The following GALNT13 variants were observed in gnomAD, a reference collection of about 807,000 sequenced individuals.
The protein encoded by GALNT13 is polypeptide N-acetylgalactosaminyltransferase 13, also known as UDP-GalNAc:polypeptide N-acetylgalactosaminyltransferase 13.
GALNT13 carries 28 observed loss-of-function variants against 64.2 expected under a neutral mutation model. That is an observed-to-expected ratio of 0.44 (90% CI 0.32 to 0.60). GALNT13 has a LOEUF of 0.60. Ranked by LOEUF, GALNT13 falls within the 20% of genes least tolerant of loss-of-function variation. The pLI is 0.05. For missense variants in GALNT13, 577 were observed against 669.8 expected (o/e 0.86, Z 1.53); for synonymous variants, 214 against 224.6 (o/e 0.95, Z 0.42).
chr2:154,037,652 A>G (rs1698738208), intron 3 of GALNT13, among the ~76,000 whole-genome samples: 1 of 152,216 alleles, frequency 6.6e-6, no homozygotes, highest in South Asian at 2.1e-4. Flanking sequence ...AAATGAATTC[A>G]GTAAAGTTGT....
the GALNT13 span, among the ~76,000 whole-genome samples, chr2:153,774,775 T>C: frequency 6.6e-6 from 1 of 152,092 alleles, no homozygotes; most frequent in Non-Finnish European, 1.5e-5. Flanking sequence ...ACAGGCATGG[T>C]GGCATGCACC....
Position 154,066,329 on chromosome 2 carries a change from G to A in GALNT13, c.143-74008G>A, listed in dbSNP as rs1322284002. 4.6e-5 allele frequency among the ~76,000 whole-genome samples: 7 copies of A among 152,092 alleles called. 1 individual carries two copies. Among genetic ancestry groups the A allele is most frequent in the African/African-American group, 9.6e-5 (4 of 41,502 alleles). On this transcript the variant is annotated intron_variant, in intron 3 of 12. Coordinates refer to ENST00000392825, the MANE Select transcript of GALNT13 (RefSeq NM_052917.4). The stretch of plus-strand genomic sequence containing the variant: ...AAAGAGTTTTTAAAAGCATAATAAC[G>A]GAGAACTTCCAAAACATGGAAAAAG...
the GALNT13 span, among the ~76,000 whole-genome samples, chr2:153,437,609 C>T: frequency 6.6e-5 from 10 of 152,028 alleles, no homozygotes; most frequent in African/African-American, 1.4e-4. Context: ...TTGATCTTTG[C>T]TGGTTTAAAG....
chr2:154,101,236 G>A (rs1338682660), intron 3 of GALNT13, among the ~76,000 whole-genome samples: 1 of 151,952 alleles, frequency 6.6e-6, no homozygotes, highest in East Asian at 1.9e-4. Context: ...AGTTAGGAAG[G>A]AATGTTTCCT....
intron 9 of GALNT13, among the ~76,000 whole-genome samples, chr2:154,327,139 T>TGA (rs147162494): frequency 0.025 from 3,876 of 152,074 alleles, 147 homozygotes; most frequent in African/African-American, 0.078. Context: ...TAATAGTGAG[T>TGA]GAGATCTCAC....
At chr2:154,309,229 G>C (rs950094094) in intron 9 of GALNT13, among the ~76,000 whole-genome samples, 3 of 152,088 alleles carry the variant, frequency 2.0e-5, no homozygotes, top group African/African-American at 7.2e-5. Flanking sequence ...CATTTTCCTA[G>C]ATTCCTCCTT....
intron 3 of GALNT13, among the ~76,000 whole-genome samples, chr2:153,977,967 T>G (rs1298761255): frequency 6.6e-6 from 1 of 152,168 alleles, no homozygotes; most frequent in Non-Finnish European, 1.5e-5. Flanking sequence ...GTGCCTTCAA[T>G]TACAGCTGTT....
rs550890069 is a variant in GALNT13, at chr2:153,981,447, A to G, written c.142+36808A>G. Among the ~76,000 whole-genome samples, 4 of 152,034 alleles carry G rather than the reference A, an allele frequency of 2.6e-5. No individual in the cohort carries two copies. The South Asian group carries it at 8.3e-4, about 32-fold the overall frequency. On this transcript the variant is annotated intron_variant, in intron 3 of 12. Coordinates refer to ENST00000392825, the MANE Select transcript of GALNT13 (RefSeq NM_052917.4). ...TGTTCTCATTGTTCAATTCCCACCT[A>G]TGAGTGAGAACATGCGGTGTTTGGT...
chr2:153,335,308 T>C, the GALNT13 span, among the ~76,000 whole-genome samples: 1 of 152,096 alleles, frequency 6.6e-6, no homozygotes, highest in African/African-American at 2.4e-5. Context: ...CAGGCAGAGA[T>C]TGGAACAGTT....
At chr2:153,542,345 A>AAC in the GALNT13 span, among the ~76,000 whole-genome samples, 102 of 95,042 alleles carry the variant, frequency 1.1e-3, 1 homozygote, top group East Asian at 1.4e-3. Flanking sequence ...CAAACAAACA[A>AAC]ACACACACAC....
the GALNT13 span, among the ~76,000 whole-genome samples, chr2:153,271,144 C>A: frequency 6.6e-6 from 1 of 152,108 alleles, no homozygotes; most frequent in Non-Finnish European, 1.5e-5. Context: ...CTATTTATGA[C>A]AAACCCACAG....
At chr2:153,647,452 A>G in the GALNT13 span, among the ~76,000 whole-genome samples, 1 of 152,168 alleles carries the variant, frequency 6.6e-6, no homozygotes, top group Admixed American at 6.5e-5. Context: ...TTTGCTGTGC[A>G]GAAGCTCTTT....
At chr2:153,810,336 G>A in the GALNT13 span, among the ~76,000 whole-genome samples, 1 of 152,044 alleles carries the variant, frequency 6.6e-6, no homozygotes, top group Non-Finnish European at 1.5e-5. Flanking sequence ...TTTTCCAAGT[G>A]TTGTGCGTGA....
chr2:153,949,817 G>A (rs986947856), intron 3 of GALNT13, among the ~76,000 whole-genome samples: 66 of 151,984 alleles, frequency 4.3e-4, no homozygotes, highest in African/African-American at 1.5e-3. Context: ...CATATGTTTG[G>A]AACATTCTTT....
the GALNT13 span, among the ~76,000 whole-genome samples, chr2:153,071,147 A>C: frequency 6.6e-6 from 1 of 152,216 alleles, no homozygotes; most frequent in African/African-American, 2.4e-5. Context: ...TCTGGTATCC[A>C]AAACTTATTA....
At chr2:154,263,015 G>T (rs1459138452) in intron 8 of GALNT13, among the ~76,000 whole-genome samples, 2 of 152,094 alleles carry the variant, frequency 1.3e-5, no homozygotes, top group African/African-American at 2.4e-5. Flanking sequence ...ATATCATGGG[G>T]AGCAGCATTC....
At chr2:153,422,757 T>G in the GALNT13 span, among the ~76,000 whole-genome samples, 1 of 152,002 alleles carries the variant, frequency 6.6e-6, no homozygotes, top group Non-Finnish European at 1.5e-5. Context: ...CAGAATAGAT[T>G]CAAGAATAAA....
chr2:153,333,744 GC>G, the GALNT13 span, among the ~76,000 whole-genome samples: 1 of 152,060 alleles, frequency 6.6e-6, no homozygotes, highest in South Asian at 2.1e-4. Flanking sequence ...AATTTCAAAA[GC>G]AAAAATATGA....
At chr2:154,428,604 A>G (rs1302513012) in intron 11 of GALNT13, among the ~76,000 whole-genome samples, 1 of 152,146 alleles carries the variant, frequency 6.6e-6, no homozygotes, top group Non-Finnish European at 1.5e-5. Flanking sequence ...CGGATATTGC[A>G]CTTTTTAACA....
Sources: gnomAD v4.1 joint callset for allele counts (sites outside exome capture counted in the v4.1 genomes callset) on GRCh38, gnomAD v4.1.1 for gene constraint, MANE v1.5 for transcripts, NCBI Gene and HGNC (gene_info 2026-07-23, HGNC 2026-07-21) for gene names.